The following MARCHF1 variants were observed in gnomAD, a reference collection of about 807,000 sequenced individuals.
The protein encoded by MARCHF1 is membrane associated ring-CH-type finger 1, also known as E3 ubiquitin-protein ligase MARCHF1.
Under a neutral mutation model 54.2 loss-of-function variants are expected in MARCHF1, and 40 were observed. The ratio of observed to expected loss-of-function variants is 0.74; its 90% CI spans 0.57 to 0.96. The LOEUF is 0.96. Among genes scored for constraint, MARCHF1 ranks in the 40% least tolerant of loss-of-function variants. The pLI is 0.00. For missense variants in MARCHF1, 586 were observed against 656.5 expected, an observed-to-expected ratio of 0.89 and a Z score of 1.17; for synonymous variants, 236 against 236.3, an observed-to-expected ratio of 1.00 and a Z score of 0.01.
intron 4 of MARCHF1, among the ~76,000 whole-genome samples, chr4:163,756,705 T>C (rs1160868688): frequency 1.3e-5 from 2 of 149,194 alleles, no homozygotes; most frequent in African/African-American, 4.9e-5. Flanking sequence ...TTTGGGACTC[T>C]AATTCTCTAA....
chr4:163,834,689 T>C (rs1035061212), intron 4 of MARCHF1, among the ~76,000 whole-genome samples: 4 of 143,044 alleles, frequency 2.8e-5, no homozygotes, highest in Non-Finnish European at 6.0e-5. Context: ...CAGTAAACTA[T>C]CGCAAGAACA....
intron 3 of MARCHF1, among the ~76,000 whole-genome samples, chr4:163,950,995 CAGAG>C (rs1383015438): frequency 3.3e-5 from 5 of 152,106 alleles, no homozygotes; most frequent in Non-Finnish European, 5.9e-5. Context: ...GTCATAGTAT[CAGAG>C]AGAGTCAAGT....
intron 1 of MARCHF1, among the ~76,000 whole-genome samples, chr4:164,164,288 A>C (rs1730313394): frequency 6.6e-6 from 1 of 151,980 alleles, no homozygotes; most frequent in Non-Finnish European, 1.5e-5. Context: ...AAAGCCATAG[A>C]CCAAAAGTTA....
At chr4:164,241,234 T>C (rs1381994926) in intron 1 of MARCHF1, among the ~76,000 whole-genome samples, 1 of 152,080 alleles carries the variant, frequency 6.6e-6, no homozygotes, top group Non-Finnish European at 1.5e-5. Context: ...ATCAGCAGTA[T>C]CTATTCCCTA....
intron 1 of MARCHF1, among the ~76,000 whole-genome samples, chr4:164,241,768 G>A (rs915756707): frequency 4.6e-5 from 7 of 151,924 alleles, no homozygotes; most frequent in Admixed American, 2.0e-4. Context: ...CAGTGGGTGC[G>A]CGCACAGTGC....
intron 3 of MARCHF1, among the ~76,000 whole-genome samples, chr4:163,944,882 GAT>G (rs1370241708): frequency 2.0e-5 from 3 of 152,052 alleles, no homozygotes; most frequent in South Asian, 4.1e-4. Flanking sequence ...AAAATGATTA[GAT>G]ATAGACATTG....
chr4:164,112,706 G>C (rs1755859324), intron 1 of MARCHF1, among the ~76,000 whole-genome samples: 1 of 151,850 alleles, frequency 6.6e-6, no homozygotes. Context: ...CACATAAGGT[G>C]AGAAAACTAA....
intron 5 of MARCHF1, among the ~76,000 whole-genome samples, chr4:163,694,076 T>G (rs1172483056): frequency 1.3e-5 from 2 of 152,186 alleles, no homozygotes; most frequent in East Asian, 1.9e-4. Flanking sequence ...ACTTTGCAGC[T>G]GCAAGTAGTG....
intron 1 of MARCHF1, among the ~76,000 whole-genome samples, chr4:164,176,570 G>C (rs1730668456): frequency 6.6e-6 from 1 of 152,056 alleles, no homozygotes; most frequent in Admixed American, 6.6e-5. Context: ...CAGGAGTACA[G>C]AATTATGAAA....
At chr4:164,241,639 A>G (rs376938987) in intron 1 of MARCHF1, among the ~76,000 whole-genome samples, 18 of 152,324 alleles carry the variant, frequency 1.2e-4, no homozygotes, top group East Asian at 7.7e-4. Context: ...ATGGCCCAAT[A>G]GGAACAGCTC....
At chr4:164,203,495 T>A (rs1389793864) in intron 1 of MARCHF1, among the ~76,000 whole-genome samples, 1 of 152,206 alleles carries the variant, frequency 6.6e-6, no homozygotes, top group Non-Finnish European at 1.5e-5. Context: ...TGGAAGATAG[T>A]CTTTTGTTCG....
intron 1 of MARCHF1, among the ~76,000 whole-genome samples, chr4:164,309,254 CTGTG>C (rs10577361): frequency 0.14 from 20,765 of 147,866 alleles, 2,029 homozygotes; most frequent in East Asian, 0.31. Flanking sequence ...AATTTCTAAC[CTGTG>C]TGTGTGTGTG....
intron 4 of MARCHF1, among the ~76,000 whole-genome samples, chr4:163,812,134 C>T (rs911323298): frequency 1.3e-5 from 2 of 152,072 alleles, no homozygotes; most frequent in African/African-American, 4.8e-5. Context: ...TCTACACCAT[C>T]AATATGGGCT....
chr4:164,213,079 G>T (rs1560956588), intron 1 of MARCHF1, among the ~76,000 whole-genome samples: 2 of 149,930 alleles, frequency 1.3e-5, no homozygotes, highest in Middle Eastern at 6.8e-3. Context: ...TATTATATAT[G>T]TGTGTGTGTG....
intron 4 of MARCHF1, among the ~76,000 whole-genome samples, chr4:163,738,930 C>G (rs1436504373): frequency 6.6e-6 from 1 of 152,112 alleles, no homozygotes; most frequent in Non-Finnish European, 1.5e-5. Context: ...CAGCTGCTGC[C>G]CATACCCAAG....
intron 1 of MARCHF1, among the ~76,000 whole-genome samples, chr4:164,178,085 C>T (rs2111003530): frequency 6.6e-6 from 1 of 152,298 alleles, no homozygotes; most frequent in African/African-American, 2.4e-5. Flanking sequence ...CCTCAGTTTT[C>T]TGAAAATGCA....
chr4:164,319,449 G>A (rs1735081234), intron 1 of MARCHF1, among the ~76,000 whole-genome samples: 1 of 152,080 alleles, frequency 6.6e-6, no homozygotes, highest in South Asian at 2.1e-4. Context: ...GCAGAATGTT[G>A]CCTTTACCTG....
chr4:163,936,528 G>T (rs978972701), intron 3 of MARCHF1, among the ~76,000 whole-genome samples: 1 of 152,186 alleles, frequency 6.6e-6, no homozygotes, highest in African/African-American at 2.4e-5. Flanking sequence ...ACTAGGAGCT[G>T]AGGCTCAGAT....
chr4:163,977,021 A>G (rs1474645633), intron 3 of MARCHF1, among the ~76,000 whole-genome samples: 2 of 152,170 alleles, frequency 1.3e-5, no homozygotes, highest in African/African-American at 2.4e-5. Context: ...AGAAATAGCA[A>G]CTGAAATACC....
Sources: allele counts gnomAD v4.1 joint callset (sites outside exome capture counted in the v4.1 genomes callset), GRCh38; gene constraint gnomAD v4.1.1; transcripts MANE v1.5; gene names NCBI Gene and HGNC (gene_info 2026-07-23, HGNC 2026-07-21).